RASAL2: variants seen among roughly 807,000 people sequenced by gnomAD.
The protein encoded by RASAL2 is RAS protein activator like 2.
Under a neutral mutation model 128.9 loss-of-function variants are expected in RASAL2, and 58 were observed. The ratio of observed to expected loss-of-function variants is 0.45; its 90% CI spans 0.36 to 0.56. RASAL2 has a LOEUF of 0.56. Among genes scored for constraint, RASAL2 ranks in the 20% least tolerant of loss-of-function variants. The pLI is 0.00. For synonymous variants in RASAL2, 561 were observed against 580.8 expected (o/e 0.97, Z 0.49); for missense variants, 1,360 against 1,601.6 (o/e 0.85, Z 2.57).
chr1:178,174,438 T>C (rs147126206), intron 1 of RASAL2, among the ~76,000 whole-genome samples: 2 of 152,212 alleles, frequency 1.3e-5, no homozygotes, highest in East Asian at 3.9e-4. Flanking sequence ...TTTCATCAAC[T>C]TTTGCAGAAA....
In RASAL2 at chr1:178,312,695, G is replaced by A. The variant is rs1332759613; in HGVS notation, c.457+12577G>A. ...CAGTTCAGACTGGAGCAGCTGATAA[G>A]GCTGTAGCGAGACTTTCCAAGAACA... On this transcript the variant is annotated intron_variant, in intron 3 of 17. Transcript: ENST00000367649. Among the ~76,000 whole-genome samples, 2 of 152,164 alleles carry A rather than the reference G, an allele frequency of 1.3e-5. 1 individual carries two copies. Among genetic ancestry groups the A allele is most frequent in the East Asian group, 3.8e-4 (2 of 5,202 alleles).
At chr1:178,198,436 C>T (rs978362560) in intron 1 of RASAL2, among the ~76,000 whole-genome samples, 2 of 152,230 alleles carry the variant, frequency 1.3e-5, no homozygotes, top group Admixed American at 1.3e-4. Context: ...GTGGTTTTAT[C>T]TAACTTTGGT....
rs987001017 is a variant in RASAL2 at position 178,130,383 on chromosome 1, G to A, written c.202+35689G>A. 2.6e-5 allele frequency among the ~76,000 whole-genome samples: 4 copies of A among 152,128 alleles called. No homozygotes were observed. The South Asian group carries it at 8.3e-4, about 31-fold the overall frequency. ...TTAAGTTGCCCTGAAATATCCCCCT[G>A]GGCCACTGTATTTGTTTTGACATCT... On this transcript the variant is annotated intron_variant, in intron 1 of 17. Coordinates refer to ENST00000367649, the MANE Select transcript of RASAL2 (RefSeq NM_170692.4).
chr1:178,280,921 T>C (rs531736010), intron 1 of RASAL2, among the ~76,000 whole-genome samples: 28 of 152,216 alleles, frequency 1.8e-4, no homozygotes, highest in African/African-American at 6.3e-4. Flanking sequence ...GAGCTTGTCC[T>C]GGTAACGTGT....
chr1:178,235,574 C>T (rs7537894), intron 1 of RASAL2, among the ~76,000 whole-genome samples: 16,591 of 151,932 alleles, frequency 0.11, 1,157 homozygotes, highest in African/African-American at 0.19. Context: ...ACAGTTACTC[C>T]GCTATCTCCT....
chr1:178,358,598 A>G (rs898147926), intron 3 of RASAL2, among the ~76,000 whole-genome samples: 9 of 152,216 alleles, frequency 5.9e-5, no homozygotes, highest in African/African-American at 1.7e-4. Flanking sequence ...AGGATATGCA[A>G]AATCAACCAT....
chr1:178,257,171 AC>A (rs1315704823), intron 1 of RASAL2, among the ~76,000 whole-genome samples: 1 of 152,192 alleles, frequency 6.6e-6, no homozygotes, highest in Non-Finnish European at 1.5e-5. Flanking sequence ...TGATTAGAAG[AC>A]TTAGTGTTGT....
chr1:178,460,536 T>C (rs903770692), intron 14 of RASAL2, among the ~76,000 whole-genome samples: 1 of 152,152 alleles, frequency 6.6e-6, no homozygotes, highest in African/African-American at 2.4e-5. Flanking sequence ...AGGTAGGAAA[T>C]GCATACAGTC....
intron 3 of RASAL2, among the ~76,000 whole-genome samples, chr1:178,329,145 A>T (rs1171399457): frequency 6.6e-6 from 1 of 152,240 alleles, no homozygotes; most frequent in Non-Finnish European, 1.5e-5. Flanking sequence ...GTGGGACTAG[A>T]CTGGCAAAGC....
chr1:178,100,434 G>A (rs61689230), intron 1 of RASAL2, among the ~76,000 whole-genome samples: 2,989 of 151,532 alleles, frequency 0.02, 86 homozygotes, highest in African/African-American at 0.065. Context: ...TGAGGCACGA[G>A]AATCGCTTGA....
rs1658577832 is a variant in RASAL2 at position 178,094,277 on chromosome 1, C to G, written c.-216C>G. The G allele has an allele frequency of 1.8e-6, 1 of 542,376 alleles. No individual in the cohort carries two copies. The allele number at this position is 542,376 out of a possible 1,614,324, so 33.6% of individuals were successfully genotyped here. A position where few individuals can be genotyped will look rare whatever the true frequency, so the allele number is the denominator to read the frequency against. ...GGGCCACGCTGGATCCTCCTCCCGG[C>G]CTGGGTCCCGCCCGCCGACTGCAGG... On this transcript the variant is annotated 5_prime_UTR_variant, in exon 1 of 18. Transcript: ENST00000367649.
At chr1:178,299,131 C>T (rs1240540064) in intron 2 of RASAL2, among the ~76,000 whole-genome samples, 2 of 152,044 alleles carry the variant, frequency 1.3e-5, no homozygotes, top group Non-Finnish European at 2.9e-5. Context: ...AACACTCTTA[C>T]CTTTGGAAGA....
intron 1 of RASAL2, among the ~76,000 whole-genome samples, chr1:178,132,137 C>A (rs1360919282): frequency 6.6e-6 from 1 of 152,020 alleles, no homozygotes; most frequent in Non-Finnish European, 1.5e-5. Flanking sequence ...AACTCCTGGG[C>A]TGTAGCCATC....
chr1:178,267,281 C>CT (rs369120000), intron 1 of RASAL2, among the ~76,000 whole-genome samples: 122 of 152,176 alleles, frequency 8.0e-4, no homozygotes, highest in African/African-American at 2.4e-3. Context: ...TACACTGTTG[C>CT]TTTTTTATTC....
At chr1:178,163,123 A>G (rs1661390473) in intron 1 of RASAL2, among the ~76,000 whole-genome samples, 1 of 151,304 alleles carries the variant, frequency 6.6e-6, no homozygotes, top group African/African-American at 2.4e-5. Context: ...GGCGCACACC[A>G]TGCCTGGCTA....
At chr1:178,462,536 C>T (rs936823151) in intron 14 of RASAL2, among the ~76,000 whole-genome samples, 3 of 152,046 alleles carry the variant, frequency 2.0e-5, no homozygotes, top group African/African-American at 7.2e-5. Context: ...ATTCATGAAA[C>T]AAAAATCACC....
At chr1:178,160,614 T>C (rs1661249488) in intron 1 of RASAL2, among the ~76,000 whole-genome samples, 1 of 152,100 alleles carries the variant, frequency 6.6e-6, no homozygotes, top group Non-Finnish European at 1.5e-5. Context: ...CAGCCTGGAC[T>C]ACAAGGGTGA....
At chr1:178,320,367 G>T (rs1001529035) in intron 3 of RASAL2, among the ~76,000 whole-genome samples, 4 of 152,230 alleles carry the variant, frequency 2.6e-5, no homozygotes, top group African/African-American at 9.6e-5. Flanking sequence ...GCAAGCCTGG[G>T]CAATGGTGGG....
rs142022762 is a variant in RASAL2, at chr1:178,428,501, A to G, written c.674+7881A>G. On this transcript the variant is annotated intron_variant, in intron 5 of 17. Coordinates refer to ENST00000367649, the MANE Select transcript of RASAL2 (RefSeq NM_170692.4). Reference sequence around the variant, plus strand: ...TTATATATAAGTCTATGATCCATTTAGAGTTCATCTGTGATAGCTTTAAAT... The same window carrying G: ...TTATATATAAGTCTATGATCCATTTGGAGTTCATCTGTGATAGCTTTAAAT... Among the ~76,000 whole-genome samples, 181 of 138,240 alleles carry G rather than the reference A, an allele frequency of 1.3e-3. 2 individuals are homozygous for G. The highest frequency in any genetic ancestry group is 4.6e-3 in the African/African-American group (171 of 37,030). The allele number at this position is 138,240 out of a possible 152,430, so 90.7% of individuals were successfully genotyped here. A position where few individuals can be genotyped will look rare whatever the true frequency, so the allele number is the denominator to read the frequency against.
Sources: gnomAD v4.1 joint callset for allele counts (sites outside exome capture counted in the v4.1 genomes callset) on GRCh38, gnomAD v4.1.1 for gene constraint, MANE v1.5 for transcripts, NCBI Gene and HGNC (gene_info 2026-07-23, HGNC 2026-07-21) for gene names.